EPHA10: variants seen among roughly 807,000 people sequenced by gnomAD.
EPHA10 encodes the protein EPH receptor A10, also known as ephrin type-A receptor 10.
Under a neutral mutation model 109.7 loss-of-function variants are expected in EPHA10, and 120 were observed. The observed-to-expected ratio is 1.09, with a 90% CI of 0.94 to 1.27. EPHA10 has a LOEUF of 1.27. Among genes scored for constraint, EPHA10 ranks in the 50% most tolerant of loss-of-function variants. The pLI is 0.00. For missense variants in EPHA10, 1,396 were observed against 1,411.1 expected (o/e 0.99, Z 0.17); for synonymous variants, 640 against 618.9 (o/e 1.03, Z -0.51).
chr1:37,758,691 CTA>C (rs1646409313), intron 3 of EPHA10, among the ~76,000 whole-genome samples: 1 of 152,180 alleles, frequency 6.6e-6, no homozygotes, highest in African/African-American at 2.4e-5. Context: ...TATTGCTATT[CTA>C]TGAGTCTTCA....
intron 3 of EPHA10, among the ~76,000 whole-genome samples, chr1:37,759,807 AAG>A (rs1553141083): frequency 8.5e-5 from 13 of 152,104 alleles, no homozygotes; most frequent in African/African-American, 2.7e-4. Flanking sequence ...AAAAAAAAAA[AAG>A]AAGTTCTTAA....
intron 5 of EPHA10, among the ~76,000 whole-genome samples, chr1:37,739,256 A>C (rs1434018426): frequency 6.6e-6 from 1 of 152,260 alleles, no homozygotes; most frequent in Admixed American, 6.5e-5. Context: ...ATGCTACAAT[A>C]TGAATGAACC....
chr1:37,724,043 C>T (rs902784106), intron 8 of EPHA10, among the ~76,000 whole-genome samples: 2 of 152,232 alleles, frequency 1.3e-5, no homozygotes, highest in African/African-American at 4.8e-5. Flanking sequence ...CAGAGGAGTG[C>T]AATGATTTGA....
downstream of EPHA10, among the ~76,000 whole-genome samples, chr1:37,715,657 C>T (rs1159087712): frequency 6.6e-6 from 1 of 152,180 alleles, no homozygotes; most frequent in Non-Finnish European, 1.5e-5. Flanking sequence ...TTCCTGGTCT[C>T]TGCCCTCCCT....
In EPHA10 at chr1:37,740,635, T is replaced by G. The variant is rs567295702; in HGVS notation, c.1358-5245A>C. 2.6e-5 allele frequency among the ~76,000 whole-genome samples: 4 copies of G among 152,286 alleles called. No homozygotes were observed. In the South Asian group the frequency reaches 8.3e-4, roughly 32 times the overall value. Reference sequence around the variant, plus strand: ...CTTTATTTTTTAAGTTTCTTGGTGATTCCAGCGTGCAGACAAGTTTGAGAA... The same window carrying G: ...CTTTATTTTTTAAGTTTCTTGGTGAGTCCAGCGTGCAGACAAGTTTGAGAA... On this transcript the variant is annotated intron_variant, in intron 5 of 16. Transcript: ENST00000373048.
Position 37,731,473 on chromosome 1 carries a change from G to A in EPHA10, c.1601C>T (p.Pro534Leu), listed in dbSNP as rs574950075. Residue 534 changes from proline (P) to leucine (L), a missense_variant, in exon 7 of 17, where the codon CCG becomes CTG. Transcript: ENST00000373048. ...ACTCTGGGCCTCCCAGGATGGCCCC[G>A]GGGAAGCGGCCCGGATCTGAAAGAC... is the stretch of plus-strand genomic sequence containing the variant. ...RYVFQIRAASPGPSWEAQSFN... is the reference protein window; with the variant it reads ...RYVFQIRAASLGPSWEAQSFN... The A allele has an allele frequency of 2.7e-5, 44 of 1,613,870 alleles. No homozygotes were observed. Among genetic ancestry groups the A allele is most frequent in the South Asian group, 2.5e-4 (23 of 91,038 alleles).
chr1:37,750,119 C>T (rs1646300474), intron 5 of EPHA10, among the ~76,000 whole-genome samples: 1 of 152,110 alleles, frequency 6.6e-6, no homozygotes, highest in African/African-American at 2.4e-5. Context: ...GACGTATATA[C>T]TCTAAGATAT....
Position 37,720,014 on chromosome 1 carries a change from C to T in EPHA10, c.2457G>A (p.Gln819=). 6.2e-7 allele frequency: 1 copy of T among 1,614,014 alleles called. No individual in the cohort carries two copies. Among genetic ancestry groups the T allele is most frequent in the Non-Finnish European group, 8.5e-7 (1 of 1,180,028 alleles). The change falls in exon 14 of 17, where the codon CAG becomes CAA. Residue 819 remains glutamine (Q), a synonymous_variant. Coordinates refer to ENST00000373048, the MANE Select transcript of EPHA10 (RefSeq NM_001099439.2). ...CACTGGCAGAGCTGAAGTGGCCAAA[C>T]TGAAGTGTCTCGGGAGCGGCCCATA... ...PALWAAPETL[Q]FGHFSSASDV...
intron 8 of EPHA10, among the ~76,000 whole-genome samples, chr1:37,725,800 C>A (rs185030309): frequency 2.6e-5 from 4 of 152,080 alleles, no homozygotes; most frequent in Non-Finnish European, 5.9e-5. Flanking sequence ...CTGGACCACA[C>A]GGTCTGGTGA....
In EPHA10 at chr1:37,761,511, A is replaced by C. The variant is rs995602256; in HGVS notation, c.744T>G (p.Pro248=). Residue 248 remains proline, a synonymous_variant, in exon 3 of 17, where the codon CCT becomes CCG. Transcript: ENST00000373048. ...GTCVAHSEGE[P]GSPPRMHCGA... Reference sequence around the variant, plus strand: ...CGCAGTGCATGCGTGGGGGGCTGCCAGGCTCCCCTTCCGAGTGCGCCACGC... The same window carrying C: ...CGCAGTGCATGCGTGGGGGGCTGCCCGGCTCCCCTTCCGAGTGCGCCACGC... 3.1e-6 allele frequency: 5 copies of C among 1,599,450 alleles called. No individual in the cohort carries two copies. In the African/African-American group the frequency reaches 6.7e-5, roughly 21 times the overall value.
intron 7 of EPHA10, among the ~76,000 whole-genome samples, chr1:37,728,663 C>T (rs1645933623): frequency 6.6e-6 from 1 of 151,954 alleles, no homozygotes; most frequent in African/African-American, 2.4e-5. Flanking sequence ...GGTGTGGGGC[C>T]AGGAGGAGCT....
intron 9 of EPHA10, 33 bp from the exon 10 acceptor site, chr1:37,723,199 G>A: frequency 1.2e-6 from 2 of 1,607,614 alleles, no homozygotes; most frequent in Non-Finnish European, 1.7e-6. Context: ...TGAGGAATGG[G>A]GCCTCCACCA....
intron 5 of EPHA10, among the ~76,000 whole-genome samples, chr1:37,739,153 TAAA>T (rs375305312): frequency 6.6e-6 from 1 of 150,716 alleles, no homozygotes; most frequent in East Asian, 1.9e-4. Context: ...AGTATAATAA[TAAA>T]AAAGAGTTAA....
chr1:37,723,865 T>C (rs1226331191), intron 8 of EPHA10, among the ~76,000 whole-genome samples: 1 of 152,196 alleles, frequency 6.6e-6, no homozygotes, highest in Non-Finnish European at 1.5e-5. Flanking sequence ...TCCAAGGTCA[T>C]TGTGGAGGGC....
rs1645712801 is a variant in EPHA10 at position 37,717,595 on chromosome 1, A to C, written c.*777T>G. Reference sequence around the variant, plus strand: ...TAACATGGCCCTTTATGCTTTTCCCAGATGTCCTGGCCACTAAGTTCATAA... The same window carrying C: ...TAACATGGCCCTTTATGCTTTTCCCCGATGTCCTGGCCACTAAGTTCATAA... On this transcript the variant is annotated 3_prime_UTR_variant, in exon 17 of 17. Transcript: ENST00000373048. 1 of 231,444 alleles carries C rather than the reference A, an allele frequency of 4.3e-6. No individual in the cohort carries two copies. The highest frequency in any genetic ancestry group is 2.2e-5 in the African/African-American group (1 of 45,232). The allele number at this position is 231,444 out of a possible 1,614,324, so 14.3% of individuals were successfully genotyped here.
At position 37,717,306 on chromosome 1, in the gene EPHA10, G is replaced by A. The variant is rs897841576; in HGVS notation, c.*1066C>T. On this transcript the variant is annotated 3_prime_UTR_variant, in exon 17 of 17. Coordinates refer to ENST00000373048, the MANE Select transcript of EPHA10 (RefSeq NM_001099439.2). ...CCCAAGGCACGGAGCTGGCTGGAGG[G>A]GAGTCGCCTCTAGAGTCCCCAAGGG... 9.0e-5 allele frequency: 21 copies of A among 232,610 alleles called. No individual in the cohort carries two copies. The highest frequency in any genetic ancestry group is 4.2e-4 in the African/African-American group (19 of 45,404). 14.4% of individuals were successfully genotyped at this position (232,610 alleles called of 1,614,324 possible). A position where few individuals can be genotyped will look rare whatever the true frequency, so the allele number is the denominator to read the frequency against.
At chr1:37,721,293 T>TG (rs1412735694) in intron 11 of EPHA10, among the ~76,000 whole-genome samples, 4 of 144,620 alleles carry the variant, frequency 2.8e-5, no homozygotes, top group Non-Finnish European at 6.0e-5. Context: ...CCGGGCCTGG[T>TG]GGCAGGCACC....
rs1004616062 is a variant in EPHA10 at position 37,719,446 on chromosome 1, C to T, written c.2724G>A (p.Glu908=). The change falls in exon 15 of 17, where the codon GAG becomes GAA. Residue 908 remains glutamate (E), a synonymous_variant. Transcript: ENST00000373048. ...SILSKMVQDP[E]PPKCALTTCP... ...AGGTAGTCAGGGCACACTTGGGGGG[C>T]TCTGGGTCCTGCACCATCTTGCTCA... 1.2e-6 allele frequency: 2 copies of T among 1,613,660 alleles called. No homozygotes were observed. Among genetic ancestry groups the T allele is most frequent in the Non-Finnish European group, 1.7e-6 (2 of 1,179,992 alleles).
Position 37,720,353 on chromosome 1 carries a change from T to A in EPHA10, c.2410A>T (p.Met804Leu), listed in dbSNP as rs748741796. ...RDRSEAVYTT[M>L]SGRSPALWAA... ...GGCTTGGCTGGGGGCGCCCTCACCA[T>A]AGTGGTGTAGACAGCCTCTGATCGG... is the stretch of plus-strand genomic sequence containing the variant. Residue 804 changes from methionine to leucine, a missense_variant and splice_region_variant, in exon 13 of 17, where the codon ATG becomes TTG. Met to Leu is a conservative substitution (Grantham distance 15, BLOSUM62 2). Transcript: ENST00000373048. The A allele has an allele frequency of 2.0e-5, 32 of 1,603,816 alleles. No homozygotes were observed. The highest frequency in any genetic ancestry group is 2.5e-5 in the Non-Finnish European group (29 of 1,175,942).
Sources: allele counts gnomAD v4.1 joint callset (sites outside exome capture counted in the v4.1 genomes callset), GRCh38; gene constraint gnomAD v4.1.1; transcripts MANE v1.5; gene names NCBI Gene and HGNC (gene_info 2026-07-23, HGNC 2026-07-21).